Variants in RARB observed in about 807,000 individuals in gnomAD.
RARB encodes the protein retinoic acid receptor beta.
Under a neutral mutation model 51.9 loss-of-function variants are expected in RARB, and 17 were observed. The observed-to-expected ratio is 0.33, with a 90% CI of 0.22 to 0.49. The LOEUF (loss-of-function observed/expected upper bound fraction) is 0.49, where lower values mean the gene tolerates loss of function less well. Ranked by LOEUF, RARB falls within the 20% of genes least tolerant of loss-of-function variation. The pLI is 0.99. For missense variants in RARB, 369 were observed against 550.8 expected, an observed-to-expected ratio of 0.67 and a Z score of 3.30; for synonymous variants, 215 against 195.4, an observed-to-expected ratio of 1.10 and a Z score of -0.84.
rs918650116 is a variant in RARB at position 24,858,977 on chromosome 3, C to T, written c.-380+225C>T. ...GCTTGAACTGGGGAGGTGGAGGTTG[C>T]GGTGAGCTGAGATCCTGCCACTGCA... On this transcript the variant is annotated intron_variant, in intron 2 of 11. Transcript: ENST00000383772. Among the ~76,000 whole-genome samples, 6 of 129,798 alleles carry T rather than the reference C, an allele frequency of 4.6e-5. No individual in the cohort carries two copies. The East Asian group carries it at 7.5e-4, about 16-fold the overall frequency. 85.2% of individuals were successfully genotyped at this position (129,798 alleles called of 152,430 possible).
chr3:24,914,306 G>C (rs1046809330), intron 2 of RARB, among the ~76,000 whole-genome samples: 7 of 152,020 alleles, frequency 4.6e-5, no homozygotes, highest in Non-Finnish European at 1.0e-4. Flanking sequence ...TGGATTCTAG[G>C]GCCCTGGAAT....
intron 5 of RARB, among the ~76,000 whole-genome samples, chr3:25,178,020 C>T (rs185745972): frequency 1.8e-4 from 28 of 152,036 alleles, no homozygotes; most frequent in Admixed American, 6.6e-4. Flanking sequence ...CAGGTTTCTC[C>T]CGGTCCACAT....
intron 5 of RARB, among the ~76,000 whole-genome samples, chr3:25,222,338 C>T (rs569439609): frequency 6.6e-6 from 1 of 152,232 alleles, no homozygotes; most frequent in East Asian, 1.9e-4. Flanking sequence ...GTTTTTCTTT[C>T]TTATTGCTGA....
intron 5 of RARB, among the ~76,000 whole-genome samples, chr3:25,228,862 A>G (rs956029324): frequency 1.3e-5 from 2 of 152,150 alleles, no homozygotes; most frequent in Non-Finnish European, 1.5e-5. Context: ...CAAATCTTTG[A>G]AGTAGTCCTT....
At chr3:25,485,276 C>T (rs981040698) in intron 2 of RARB, among the ~76,000 whole-genome samples, 1 of 152,160 alleles carries the variant, frequency 6.6e-6, no homozygotes, top group Non-Finnish European at 1.5e-5. Context: ...TTAATTCTTG[C>T]TCCTAGGAGG....
chr3:25,581,529 G>A (rs1030881425), intron 5 of RARB, among the ~76,000 whole-genome samples: 1 of 152,156 alleles, frequency 6.6e-6, no homozygotes, highest in African/African-American at 2.4e-5. Flanking sequence ...GCGTGAGCAG[G>A]GCAGGGAGCG....
chr3:25,494,736 T>G (rs1402560584), intron 2 of RARB, among the ~76,000 whole-genome samples: 3 of 152,222 alleles, frequency 2.0e-5, no homozygotes, highest in Non-Finnish European at 2.9e-5. Flanking sequence ...TGGCCTTTGG[T>G]ATCATGAAGT....
At chr3:25,467,440 A>G (rs1695487431) in intron 2 of RARB, among the ~76,000 whole-genome samples, 1 of 146,450 alleles carries the variant, frequency 6.8e-6, no homozygotes, top group South Asian at 2.2e-4. Flanking sequence ...GCTCACCATT[A>G]GCCTAGCCTA....
intron 2 of RARB, among the ~76,000 whole-genome samples, chr3:24,965,227 T>C (rs1280160585): frequency 6.6e-6 from 1 of 152,134 alleles, no homozygotes; most frequent in Admixed American, 6.6e-5. Context: ...TTTTGTCAGG[T>C]ATTTTGTATC....
rs1344645007 is a variant in RARB, at chr3:25,501,376, G to T, written c.448+53G>T. ...CCTGTTTTCCTTATCTCTGTGATTT[G>T]CTCACCTTCCACAGTCATGTGGAAT... On this transcript the variant is annotated intron_variant, in intron 3 of 7. Transcript: ENST00000330688. 8 of 1,592,274 alleles carry T rather than the reference G, an allele frequency of 5.0e-6. No individual in the cohort carries two copies. The Admixed American group carries it at 9.0e-5, about 18-fold the overall frequency.
At chr3:25,211,866 C>G (rs547017405) in intron 5 of RARB, among the ~76,000 whole-genome samples, 1 of 152,344 alleles carries the variant, frequency 6.6e-6, no homozygotes, top group African/African-American at 2.4e-5. Context: ...TAAACAATTA[C>G]AAATCATGCA....
At chr3:24,934,277 C>A (rs1242229347) in intron 2 of RARB, among the ~76,000 whole-genome samples, 1 of 152,076 alleles carries the variant, frequency 6.6e-6, no homozygotes. Context: ...CTAAAAACTT[C>A]TTACCTACCA....
chr3:25,417,425 G>T (rs1707733316), intron 5 of RARB, among the ~76,000 whole-genome samples: 1 of 152,156 alleles, frequency 6.6e-6, no homozygotes, highest in Non-Finnish European at 1.5e-5. Flanking sequence ...GAGGGACCTG[G>T]TGGGAGGTAA....
chr3:25,213,310 C>T (rs2125379695), intron 5 of RARB, among the ~76,000 whole-genome samples: 1 of 152,256 alleles, frequency 6.6e-6, no homozygotes, highest in East Asian at 1.9e-4. Context: ...ACTATATAAT[C>T]ACACAGTTTG....
intron 5 of RARB, among the ~76,000 whole-genome samples, chr3:25,242,084 G>T (rs2125396583): frequency 6.6e-6 from 1 of 152,206 alleles, no homozygotes; most frequent in East Asian, 1.9e-4. Context: ...CTTTTCATAT[G>T]TTTTTTGGCC....
At chr3:25,044,977 C>A (rs970345786) in intron 2 of RARB, among the ~76,000 whole-genome samples, 1 of 152,160 alleles carries the variant, frequency 6.6e-6, no homozygotes, top group African/African-American at 2.4e-5. Flanking sequence ...CAATCAAAGT[C>A]CTCCCGGCAT....
chr3:25,363,881 C>G (rs897051676), intron 5 of RARB, among the ~76,000 whole-genome samples: 2 of 152,142 alleles, frequency 1.3e-5, no homozygotes, highest in Non-Finnish European at 2.9e-5. Flanking sequence ...TGCTGTTCCT[C>G]TTACATGACA....
At chr3:25,593,374 A>G (rs1290550756) in intron 5 of RARB, 129 bp from the exon 6 acceptor site, 7 of 823,946 alleles carry the variant, frequency 8.5e-6, no homozygotes, top group East Asian at 2.6e-5. Context: ...AAGACATTCA[A>G]CATGTGAAAG....
chr3:25,421,578 A>AT (rs1167175552), intron 5 of RARB, among the ~76,000 whole-genome samples: 17 of 150,712 alleles, frequency 1.1e-4, no homozygotes, highest in African/African-American at 2.2e-4. Context: ...TGCCCGGCTA[A>AT]TTTTTTTTGT....
Sources: allele counts gnomAD v4.1 joint callset (sites outside exome capture counted in the v4.1 genomes callset), GRCh38; gene constraint gnomAD v4.1.1; transcripts MANE v1.5; gene names NCBI Gene and HGNC (gene_info 2026-07-23, HGNC 2026-07-21).